Variants in ATRX observed in about 807,000 individuals in gnomAD.
ATRX encodes chromatin remodeler ATRX.
A neutral mutation model predicts 172.6 loss-of-function variants in ATRX; 12 were observed. The ratio of observed to expected loss-of-function variants is 0.07; its 90% CI spans 0.04 to 0.11. ATRX has a LOEUF of 0.11. Ranked by LOEUF, ATRX falls within the 10% of genes least tolerant of loss-of-function variation. The pLI is 1.00. For synonymous variants in ATRX, 674 were observed against 594.7 expected, an observed-to-expected ratio of 1.13 and a Z score of -1.94; for missense variants, 1,368 against 1,767.4, an observed-to-expected ratio of 0.77 and a Z score of 4.05.
chrX:77,682,411 G>A lies in ATRX; in HGVS notation c.2845C>T (p.Leu949Phe), dbSNP rs2148587551. The A allele has an allele frequency of 8.3e-7, 1 of 1,211,244 alleles. No individual in the cohort carries two copies. The highest frequency in any genetic ancestry group is 1.1e-6 in the Non-Finnish European group (1 of 895,295). The stretch of plus-strand genomic sequence containing the variant: ...ACTTTTTTACATGTTTTGGTTTTGA[G>A]ATGCTTGCTCTTTTCTTTAGTTTCA... ...VAETKEKSKH[L>F]KTKTCKKVQD... The change falls in exon 9 of 35, where the codon CTC (leucine) becomes TTC (phenylalanine). Residue 949 changes from leucine (L) to phenylalanine (F), a missense_variant. Transcript: ENST00000373344.
chrX:77,764,157 T>G (rs2075825143), intron 1 of ATRX, among the ~76,000 whole-genome samples: 1 of 111,599 alleles, frequency 9.0e-6, no homozygotes. Flanking sequence ...AATACCTAGC[T>G]CCGTATACTA....
At chrX:77,615,818 C>CTT in intron 22 of ATRX, 6 of 284,574 alleles carry the variant, frequency 2.1e-5, no homozygotes, top group Non-Finnish European at 2.3e-5. Context: ...TTCCATCCTC[C>CTT]TTTTTTTTTT....
rs2076555392 is a variant in ATRX, at chrX:77,683,430, G to A, written c.1826C>T (p.Pro609Leu). ...PIKGADCQEV[P>L]QDKDGYKSCG... The stretch of plus-strand genomic sequence containing the variant: ...ACTTTTATAGCCATCTTTATCTTGT[G>A]GAACTTCCTGACAATCAGCACCTTT... The change falls in exon 9 of 35, where the codon CCA (proline) becomes CTA (leucine). Residue 609 changes from proline (P) to leucine (L), a missense_variant. Pro to Leu is a moderately conservative substitution (Grantham distance 98). This residue lies in a region of ATRX where 843 missense variants were observed against 643.1 expected (regional missense o/e 1.31). Coordinates refer to ENST00000373344, the MANE Select transcript of ATRX (RefSeq NM_000489.6). The A allele has an allele frequency of 8.3e-7, 1 of 1,209,491 alleles. No homozygotes were observed. The highest frequency in any genetic ancestry group is 1.1e-6 in the Non-Finnish European group (1 of 893,453).
At chrX:77,576,437 C>G (rs1350272370) in intron 27 of ATRX, among the ~76,000 whole-genome samples, 1 of 109,733 alleles carries the variant, frequency 9.1e-6, no homozygotes, top group Non-Finnish European at 1.9e-5. Context: ...TAAAGATATG[C>G]CAAAAACTCA....
intron 19 of ATRX, among the ~76,000 whole-genome samples, chrX:77,624,159 A>T (rs1385175273): frequency 9.0e-6 from 1 of 111,092 alleles, no homozygotes; most frequent in Non-Finnish European, 1.9e-5. Context: ...AGGTCAGGAG[A>T]TCGAGACCAT....
chrX:77,542,633 G>A (rs1481145042), intron 30 of ATRX, among the ~76,000 whole-genome samples: 3 of 111,156 alleles, frequency 2.7e-5, no homozygotes, highest in Non-Finnish European at 5.7e-5. Flanking sequence ...TAGACCAATG[G>A]AACAAAACAG....
intron 1 of ATRX, 95 bp downstream of exon 1, chrX:77,785,879 ACACACAGG>A (rs1446851761): frequency 9.7e-7 from 1 of 1,032,234 alleles, no homozygotes; most frequent in Non-Finnish European, 1.2e-6. Context: ...CGGCTAAGCA[ACACACAGG>A]CCTAACCCAC....
chrX:77,541,812 G>C (rs990296535), intron 30 of ATRX, among the ~76,000 whole-genome samples: 43 of 111,542 alleles, frequency 3.9e-4, no homozygotes, highest in African/African-American at 1.3e-3. Flanking sequence ...CTGATGGAAC[G>C]TATCTCAAAA....
At chrX:77,657,828 G>T (rs782756626) in intron 12 of ATRX, among the ~76,000 whole-genome samples, 37 of 111,752 alleles carry the variant, frequency 3.3e-4, no homozygotes, top group Non-Finnish European at 6.4e-4. Context: ...AATATAGATA[G>T]AAAAATAATA....
chrX:77,618,800 T>G lies in ATRX; in HGVS notation c.5448+6A>C. ...AATATTTTATTACTATGGAACATAT[T>G]TGTACCTGAACACATCCAGCTAACA... On this transcript the variant is annotated splice_donor_region_variant and intron_variant, in intron 21 of 34. Coordinates refer to ENST00000373344, the MANE Select transcript of ATRX (RefSeq NM_000489.6). 8.3e-7 allele frequency: 1 copy of G among 1,202,340 alleles called. No individual in the cohort carries two copies.
At chrX:77,624,679 C>A (rs2067748410) in intron 19 of ATRX, among the ~76,000 whole-genome samples, 1 of 111,231 alleles carries the variant, frequency 9.0e-6, no homozygotes, top group Non-Finnish European at 1.9e-5. Context: ...TAGGAATATA[C>A]CTAACAAAGG....
At chrX:77,697,468 T>C (rs2072247490) in intron 4 of ATRX, 115 bp downstream of exon 4, 4 of 678,963 alleles carry the variant, frequency 5.9e-6, no homozygotes, top group Non-Finnish European at 4.6e-6. Flanking sequence ...TATATTTGTA[T>C]AGAATAGTTA....
chrX:77,767,244 A>G lies in ATRX; in HGVS notation c.20+18738T>C, dbSNP rs1350591796. 4.0e-5 allele frequency among the ~76,000 whole-genome samples: 4 copies of G among 101,232 alleles called. 1 individual carries two copies. Among genetic ancestry groups the G allele is most frequent in the African/African-American group, 7.3e-5 (2 of 27,242 alleles). 87.9% of individuals were successfully genotyped at this position (101,232 alleles called of 115,157 possible). The stretch of plus-strand genomic sequence containing the variant: ...GGAGAGGGAGACCGTGGGGAGAGGG[A>G]GAGAGGGAGAGAGGGAGAGAGGGAG... On this transcript the variant is annotated intron_variant, in intron 1 of 34. Coordinates refer to ENST00000373344, the MANE Select transcript of ATRX (RefSeq NM_000489.6).
chrX:77,692,846 A>AGTGTGTGTGTGTGTGTGT (rs3063059), intron 6 of ATRX, among the ~76,000 whole-genome samples: 4 of 82,104 alleles, frequency 4.9e-5, no homozygotes, highest in Non-Finnish European at 7.1e-5. Context: ...CCAATATTAG[A>AGTGTGTGTGTGTGTGTGT]GTGTGTGTGT....
chrX:77,536,032 G>T (rs1448335508), intron 30 of ATRX, among the ~76,000 whole-genome samples: 2 of 108,778 alleles, frequency 1.8e-5, no homozygotes, highest in Non-Finnish European at 3.8e-5. Context: ...GAGCCACCAT[G>T]CCTGGCCACA....
chrX:77,749,080 T>C (rs1485323641), intron 1 of ATRX, among the ~76,000 whole-genome samples: 2 of 110,786 alleles, frequency 1.8e-5, no homozygotes, highest in African/African-American at 3.3e-5. Context: ...AAGTACTCAA[T>C]AGGTAATTTT....
At chrX:77,772,673 G>A (rs1363693322) in intron 1 of ATRX, among the ~76,000 whole-genome samples, 21 of 106,535 alleles carry the variant, frequency 2.0e-4, no homozygotes, top group African/African-American at 2.7e-4. Context: ...AGTAGAGACA[G>A]GGTTTCACCA....
intron 1 of ATRX, among the ~76,000 whole-genome samples, chrX:77,750,999 T>C (rs1388651058): frequency 2.7e-5 from 3 of 112,040 alleles, no homozygotes; most frequent in East Asian, 2.8e-4. Flanking sequence ...TACAGGTACA[T>C]GTGTCTTTAT....
chrX:77,709,886 G>A (rs1417435803), intron 2 of ATRX, among the ~76,000 whole-genome samples: 4 of 112,252 alleles, frequency 3.6e-5, no homozygotes, highest in Non-Finnish European at 5.6e-5. Context: ...TTATTGCAAA[G>A]AAATGAAAAC....
Sources: gnomAD v4.1 joint callset for allele counts (sites outside exome capture counted in the v4.1 genomes callset) on GRCh38, gnomAD v4.1.1 for gene constraint, gnomAD v4.1.1 regional missense constraint, MANE v1.5 for transcripts, NCBI Gene and HGNC (gene_info 2026-07-23, HGNC 2026-07-21) for gene names.